NR4A3: variants seen among roughly 807,000 people sequenced by gnomAD.
NR4A3 encodes nuclear receptor subfamily 4 group A member 3.
In NR4A3, 13 loss-of-function variants were observed where a neutral mutation model predicts 55.6. That is an observed-to-expected ratio of 0.23 (90% CI 0.15 to 0.37). NR4A3 has a LOEUF of 0.37. Among genes scored for constraint, NR4A3 ranks in the 10% least tolerant of loss-of-function variants. The probability of loss-of-function intolerance (pLI) is 1.00; values close to 1 mark genes in which losing one functional copy is unlikely to be tolerated. For synonymous variants in NR4A3, 342 were observed against 357.9 expected, an observed-to-expected ratio of 0.96 and a Z score of 0.50; for missense variants, 646 against 822.8, an observed-to-expected ratio of 0.79 and a Z score of 2.63.
chr9:99,863,470 G>GC (rs1828042852), intron 7 of NR4A3, 150 bp from the exon 8 acceptor site: 4 of 845,600 alleles, frequency 4.7e-6, no homozygotes, highest in Non-Finnish European at 7.3e-6. Context: ...CATACCAAAG[G>GC]CCATGAGCTA....
intron 7 of NR4A3, among the ~76,000 whole-genome samples, chr9:99,850,428 G>A (rs955724645): frequency 6.6e-6 from 1 of 152,190 alleles, no homozygotes; most frequent in African/African-American, 2.4e-5. Flanking sequence ...GTGCCAGGAA[G>A]ACCCAACCTG....
chr9:99,823,870 C>T (rs1384915442), intron 1 of NR4A3, among the ~76,000 whole-genome samples: 1 of 151,938 alleles, frequency 6.6e-6, no homozygotes, highest in African/African-American at 2.4e-5. Context: ...CTCTCCCTCG[C>T]TCCTCTTGCC....
Position 99,863,939 on chromosome 9 carries a change from G to T in NR4A3, c.*72G>T, listed in dbSNP as rs1828050503. Reference sequence around the variant, plus strand: ...TGCTACGCAGCAAAGGGATAGGTTTGGAAACCTATCATTTCCTGTCCTTCC... The same window carrying T: ...TGCTACGCAGCAAAGGGATAGGTTTTGAAACCTATCATTTCCTGTCCTTCC... On this transcript the variant is annotated 3_prime_UTR_variant, in exon 8 of 8. Transcript: ENST00000395097. 1.3e-5 allele frequency: 19 copies of T among 1,487,062 alleles called. No individual in the cohort carries two copies. The highest frequency in any genetic ancestry group is 1.5e-5 in the Non-Finnish European group (17 of 1,103,016). 92.1% of individuals were successfully genotyped at this position (1,487,062 alleles called of 1,614,324 possible). A position where few individuals can be genotyped will look rare whatever the true frequency, so the allele number is the denominator to read the frequency against.
chr9:99,853,310 T>C (rs1827884328), intron 7 of NR4A3, among the ~76,000 whole-genome samples: 1 of 145,256 alleles, frequency 6.9e-6, no homozygotes. Context: ...ACACATTGTG[T>C]TAGGGAATTT....
intron 5 of NR4A3, among the ~76,000 whole-genome samples, chr9:99,836,796 A>G (rs1827566691): frequency 6.6e-6 from 1 of 152,258 alleles, no homozygotes; most frequent in Non-Finnish European, 1.5e-5. Context: ...ACTGTTTTCC[A>G]TAATGGCTAT....
chr9:99,826,151 G>A (rs1183597856), intron 2 of NR4A3, among the ~76,000 whole-genome samples: 1 of 152,172 alleles, frequency 6.6e-6, no homozygotes, highest in Non-Finnish European at 1.5e-5. Context: ...TATAGCCAGT[G>A]TGCACATGTA....
chr9:99,863,518 A>G, intron 7 of NR4A3, 102 bp from the exon 8 acceptor site: 1 of 1,415,754 alleles, frequency 7.1e-7, no homozygotes, highest in African/African-American at 1.4e-5. Flanking sequence ...CAAAGAAGCT[A>G]TCCAAACTGG....
intron 7 of NR4A3, among the ~76,000 whole-genome samples, chr9:99,859,763 A>C (rs749719137): frequency 6.6e-6 from 1 of 152,190 alleles, no homozygotes; most frequent in Admixed American, 6.5e-5. Context: ...TCCCTCCCCA[A>C]ATCCAGCCAA....
rs775489502 is a variant in NR4A3 at position 99,833,199 on chromosome 9, T to A, written c.1082-83T>A. The A allele has an allele frequency of 4.4e-5, 66 of 1,491,884 alleles. 1 individual carries two copies. The highest frequency in any genetic ancestry group is 5.7e-5 in the Non-Finnish European group (63 of 1,113,812). 92.4% of individuals were successfully genotyped at this position (1,491,884 alleles called of 1,614,324 possible). The stretch of plus-strand genomic sequence containing the variant: ...CTCATTAATGATTGCTCAACTGTAA[T>A]GTGTTTTTATTCCTTTTTGCGATTT... On this transcript the variant is annotated intron_variant, in intron 4 of 7. Coordinates refer to ENST00000395097, the MANE Select transcript of NR4A3 (RefSeq NM_006981.4).
chr9:99,826,922 C>A, intron 2 of NR4A3: 5 of 862,584 alleles, frequency 5.8e-6, no homozygotes, highest in East Asian at 2.5e-5. Context: ...GAAAAACCAA[C>A]CACCAAAAAC....
chr9:99,842,463 G>A (rs1827669930), intron 5 of NR4A3, among the ~76,000 whole-genome samples: 1 of 152,162 alleles, frequency 6.6e-6, no homozygotes, highest in Admixed American at 6.5e-5. Context: ...AGACGCGGTG[G>A]CTCACGCCTG....
intron 4 of NR4A3, among the ~76,000 whole-genome samples, 193 bp downstream of exon 4, chr9:99,833,011 G>A (rs577196272): frequency 1.3e-5 from 2 of 152,130 alleles, no homozygotes; most frequent in South Asian, 4.1e-4. Flanking sequence ...AATTAACAGA[G>A]GACTTGTATA....
chr9:99,856,279 A>G (rs2118153779), intron 7 of NR4A3, among the ~76,000 whole-genome samples: 1 of 151,862 alleles, frequency 6.6e-6, no homozygotes, highest in East Asian at 1.9e-4. Context: ...ACAGTGACAG[A>G]TCACCACGCA....
chr9:99,836,920 T>C (rs1157259217), intron 5 of NR4A3, among the ~76,000 whole-genome samples: 1 of 152,242 alleles, frequency 6.6e-6, no homozygotes, highest in African/African-American at 2.4e-5. Flanking sequence ...TGAGATGATA[T>C]GTCCTTGTGG....
Position 99,864,534 on chromosome 9 carries a change from G to A in NR4A3, c.*667G>A, listed in dbSNP as rs1828060275. 4.4e-6 allele frequency: 1 copy of A among 226,530 alleles called. No homozygotes were observed. 14.0% of individuals were successfully genotyped at this position (226,530 alleles called of 1,614,324 possible). A position where few individuals can be genotyped will look rare whatever the true frequency, so the allele number is the denominator to read the frequency against. ...TTATTAACTCTCCTTTATTCTATATGGAAATAAAAAGGAGGCAGTCATGTT... is the reference window on the plus strand; with the variant it reads ...TTATTAACTCTCCTTTATTCTATATAGAAATAAAAAGGAGGCAGTCATGTT... On this transcript the variant is annotated 3_prime_UTR_variant, in exon 8 of 8. Transcript: ENST00000395097.
At chr9:99,850,520 T>C (rs1216692004) in intron 7 of NR4A3, among the ~76,000 whole-genome samples, 1 of 152,152 alleles carries the variant, frequency 6.6e-6, no homozygotes, top group Non-Finnish European at 1.5e-5. Flanking sequence ...TGCATCCCAT[T>C]TGTTCTATTC....
chr9:99,857,615 T>C (rs797001060), intron 7 of NR4A3, among the ~76,000 whole-genome samples: 5 of 152,080 alleles, frequency 3.3e-5, no homozygotes, highest in African/African-American at 9.6e-5. Flanking sequence ...TGAAACCCCT[T>C]CTCTACTAAA....
chr9:99,846,178 C>G (rs1340991505), intron 6 of NR4A3, among the ~76,000 whole-genome samples: 1 of 152,162 alleles, frequency 6.6e-6, no homozygotes, highest in African/African-American at 2.4e-5. Context: ...AAGATAGATA[C>G]ATACGTGGCA....
chr9:99,831,595 A>T (rs571417587), intron 3 of NR4A3, among the ~76,000 whole-genome samples: 1 of 152,348 alleles, frequency 6.6e-6, no homozygotes, highest in African/African-American at 2.4e-5. Context: ...TAGATCATAA[A>T]GCCCAAGTTA....
Sources: gnomAD v4.1 joint callset for allele counts (sites outside exome capture counted in the v4.1 genomes callset) on GRCh38, gnomAD v4.1.1 for gene constraint, MANE v1.5 for transcripts, NCBI Gene and HGNC (gene_info 2026-07-23, HGNC 2026-07-21) for gene names.